Variants in COPS7A observed in about 807,000 individuals in gnomAD.
The protein encoded by COPS7A is COP9 signalosome subunit 7A.
Under a neutral mutation model 35.2 loss-of-function variants are expected in COPS7A, and 20 were observed. The ratio of observed to expected loss-of-function variants is 0.57; its 90% confidence interval spans 0.40 to 0.83. COPS7A has a LOEUF of 0.83. COPS7A is among the 40% of genes least tolerant of loss of function. The pLI is 0.00. For missense variants in COPS7A, 247 were observed against 347.5 expected, an observed-to-expected ratio of 0.71 and a Z score of 2.30; for synonymous variants, 139 against 141.4, an observed-to-expected ratio of 0.98 and a Z score of 0.12.
chr12:6,730,967 T>C (rs778758413), intron 7 of COPS7A, 33 bp from the exon 8 acceptor site: 1 of 1,603,432 alleles, frequency 6.2e-7, no homozygotes, highest in East Asian at 2.2e-5. Context: ...GCATTCTCTC[T>C]CTCTCTCTCT....
Position 6,731,081 on chromosome 12 carries a change from G to A in COPS7A, c.*42G>A. The A allele has an allele frequency of 6.2e-7, 1 of 1,613,648 alleles. No homozygotes were observed. The highest frequency in any genetic ancestry group is 8.5e-7 in the Non-Finnish European group (1 of 1,179,684). ...TCCCTGGGGATGTGGGGTCCCAGCT[G>A]CCTGCCTGCCTCTTAGGAGTCCTCA... On this transcript the variant is annotated 3_prime_UTR_variant, in exon 8 of 8. Coordinates refer to ENST00000543155, the MANE Select transcript of COPS7A (RefSeq NM_001164094.2).
rs567900041 is a variant in COPS7A, at chr12:6,724,512, G to C, written c.-43-102G>C. On this transcript the variant is annotated intron_variant, in intron 1 of 7. Coordinates refer to ENST00000543155, the MANE Select transcript of COPS7A (RefSeq NM_001164094.2). ...ACCGCTCCATGTCTGATTCCTCACCGCAGAACCGACTTAGTGCCTTTACAA... is the reference window on the plus strand; with the variant it reads ...ACCGCTCCATGTCTGATTCCTCACCCCAGAACCGACTTAGTGCCTTTACAA... 38 of 962,534 alleles carry C rather than the reference G, an allele frequency of 3.9e-5. No homozygotes were observed. In the African/African-American group the frequency reaches 6.1e-4, roughly 15 times the overall value. 59.6% of individuals were successfully genotyped at this position (962,534 alleles called of 1,614,324 possible). A position where few individuals can be genotyped will look rare whatever the true frequency, so the allele number is the denominator to read the frequency against.
chr12:6,728,328 C>T lies in COPS7A; in HGVS notation c.327+17C>T, dbSNP rs1486300353. On this transcript the variant is annotated intron_variant, in intron 4 of 7. Transcript: ENST00000543155. ...AAAGTAAAGGTGAGTGGCAGTCCCC[C>T]AGTCCTACGGTCTAGAGCATCCTTT... 6.2e-7 allele frequency: 1 copy of T among 1,604,054 alleles called. No homozygotes were observed. The highest frequency in any genetic ancestry group is 1.7e-4 in the Middle Eastern group (1 of 6,036).
intron 4 of COPS7A, among the ~76,000 whole-genome samples, chr12:6,728,728 C>A (rs1941318226): frequency 6.6e-6 from 1 of 152,172 alleles, no homozygotes; most frequent in African/African-American, 2.4e-5. Flanking sequence ...ACCCACCTCC[C>A]CAGCCTGCCC....
At position 6,727,996 on chromosome 12, in the gene COPS7A, A is replaced by G; in HGVS notation, c.233A>G (p.Tyr78Cys). 6.2e-7 allele frequency: 1 copy of G among 1,614,066 alleles called. No individual in the cohort carries two copies. Among genetic ancestry groups the G allele is most frequent in the Non-Finnish European group, 8.5e-7 (1 of 1,179,962 alleles). The change falls in exon 3 of 8, where the codon TAC (tyrosine) becomes TGC (cysteine). Residue 78 changes from tyrosine (Y) to cysteine (C), a missense_variant. Coordinates refer to ENST00000543155, the MANE Select transcript of COPS7A (RefSeq NM_001164094.2). ...TVFAYGTYAD[Y>C]LAEARNLPPL... is the part of the protein sequence containing the mutation. ...TTTGCTTATGGGACATACGCTGACT[A>G]CTTAGGTAACCAGAGGGGTTGGTGC...
intron 2 of COPS7A, among the ~76,000 whole-genome samples, chr12:6,726,725 C>T (rs915151681): frequency 4.0e-5 from 6 of 149,626 alleles, no homozygotes; most frequent in Non-Finnish European, 8.9e-5. Flanking sequence ...CGCGCCACTG[C>T]ACTCCAGCCT....
Position 6,730,861 on chromosome 12 carries a change from C to T in COPS7A, c.788+41C>T. On this transcript the variant is annotated intron_variant, in intron 7 of 7. Coordinates refer to ENST00000543155, the MANE Select transcript of COPS7A (RefSeq NM_001164094.2). ...AGGAACTGCTCACTTGCAGGGTGCCCTGCTTTTACCCCAGGGACCTCACTG... is the reference window on the plus strand; with the variant it reads ...AGGAACTGCTCACTTGCAGGGTGCCTTGCTTTTACCCCAGGGACCTCACTG... 5 of 1,609,658 alleles carry T rather than the reference C, an allele frequency of 3.1e-6. No individual in the cohort carries two copies. The South Asian group carries it at 5.5e-5, about 18-fold the overall frequency.
chr12:6,725,842 C>T (rs1028312716), intron 2 of COPS7A: 1 of 455,980 alleles, frequency 2.2e-6, no homozygotes, highest in Non-Finnish European at 4.4e-6. Flanking sequence ...AACTGGCTGA[C>T]TTTTCCCTGC....
chr12:6,728,100 C>T, intron 3 of COPS7A, 99 bp downstream of exon 3: 1 of 1,474,360 alleles, frequency 6.8e-7, no homozygotes, highest in Non-Finnish European at 9.5e-7. Flanking sequence ...ACTTAGATCC[C>T]TGGATGCATA....
chr12:6,729,277 C>G lies in COPS7A; in HGVS notation c.358C>G (p.Leu120Val), dbSNP rs375333384. The G allele has an allele frequency of 3.4e-5, 55 of 1,614,028 alleles. No homozygotes were observed. Among genetic ancestry groups the G allele is most frequent in the Non-Finnish European group, 4.5e-5 (53 of 1,180,032 alleles). ...CCCATATGCAGTGTTGCTGGAGGCTCTTGCCCTGCGTAATGTGCGGCAGCT... is the reference window on the plus strand; with the variant it reads ...CCCATATGCAGTGTTGCTGGAGGCTGTTGCCCTGCGTAATGTGCGGCAGCT... ...CIPYAVLLEA[L>V]ALRNVRQLED... The change falls in exon 5 of 8, where the codon CTT becomes GTT. Residue 120 changes from leucine to valine, a missense_variant. By Grantham distance (32) the Leu-to-Val change is conservative. Transcript: ENST00000543155. The surrounding 1 kb of genome is among the most constrained non-coding windows in gnomAD (Gnocchi z 4.2).
At chr12:6,726,602 CA>C (rs374195335) in intron 2 of COPS7A, among the ~76,000 whole-genome samples, 6,071 of 137,774 alleles carry the variant, frequency 0.044, 247 homozygotes, top group African/African-American at 0.1. Flanking sequence ...GACTCTGTCT[CA>C]AAAAAAAAAA....
chr12:6,724,294 C>T (rs1443386515), intron 1 of COPS7A, 115 bp downstream of exon 1: 7 of 399,510 alleles, frequency 1.8e-5, no homozygotes, highest in Admixed American at 6.8e-5. Context: ...TGGGCGCGTG[C>T]GGGGCAGCAA....
At position 6,731,179 on chromosome 12, in the gene COPS7A, T is replaced by C. The variant is rs1407386606; in HGVS notation, c.*140T>C. On this transcript the variant is annotated 3_prime_UTR_variant, in exon 8 of 8. Coordinates refer to ENST00000543155, the MANE Select transcript of COPS7A (RefSeq NM_001164094.2). ...CCTTCACCTCCCCTAACCCCAAACA[T>C]AGATCACACCTTCTCTAGGGAGGAG... is the stretch of plus-strand genomic sequence containing the variant. 5 of 1,560,960 alleles carry C rather than the reference T, an allele frequency of 3.2e-6. No homozygotes were observed. The highest frequency in any genetic ancestry group is 4.7e-5 in the East Asian group (2 of 42,734).
chr12:6,725,997 A>G, intron 2 of COPS7A: 1 of 439,442 alleles, frequency 2.3e-6, no homozygotes. Flanking sequence ...TGAAACCGAT[A>G]TGGCAGAATC....
intron 4 of COPS7A, 50 bp downstream of exon 4, chr12:6,728,361 C>A: frequency 6.6e-7 from 1 of 1,504,026 alleles, no homozygotes; most frequent in Non-Finnish European, 9.2e-7. Context: ...TTTTGTATGT[C>A]CTTGGGAGTC....
At chr12:6,724,394 C>A in intron 1 of COPS7A, 1 of 514,124 alleles carries the variant, frequency 1.9e-6, no homozygotes, top group Non-Finnish European at 3.5e-6. Context: ...ATGGGGTGCA[C>A]GTGATGGGGC....
At chr12:6,727,679 T>C (rs1374003672) in intron 2 of COPS7A, 2 of 636,368 alleles carry the variant, frequency 3.1e-6, no homozygotes, top group South Asian at 1.5e-5. Flanking sequence ...AGGGTAGGAA[T>C]TGGATGACGT....
Position 6,729,411 on chromosome 12 carries a change from C to T in COPS7A, c.492C>T (p.Arg164=), listed in dbSNP as rs1364063330. Residue 164 remains arginine, a synonymous_variant, in exon 5 of 8, where the codon CGC becomes CGT. Transcript: ENST00000543155. The surrounding 1 kb of genome is among the most constrained non-coding windows in gnomAD (Gnocchi z 4.2). ...VDYSIGRDIQ[R]QDLSAIARTL... is the part of the protein sequence containing the mutation. Reference sequence around the variant, plus strand: ...ACAGCATCGGGCGGGACATCCAGCGCCAGGACCTCAGTGCCATTGCCCGAA... The same window carrying T: ...ACAGCATCGGGCGGGACATCCAGCGTCAGGACCTCAGTGCCATTGCCCGAA... 2 of 1,614,078 alleles carry T rather than the reference C, an allele frequency of 1.2e-6. No homozygotes were observed. Among genetic ancestry groups the T allele is most frequent in the South Asian group, 2.2e-5 (2 of 91,080 alleles).
At position 6,728,013 on chromosome 12, in the gene COPS7A, G is replaced by C; in HGVS notation, c.238+12G>C. 3 of 1,613,118 alleles carry C rather than the reference G, an allele frequency of 1.9e-6. No homozygotes were observed. The highest frequency in any genetic ancestry group is 1.7e-6 in the Non-Finnish European group (2 of 1,179,110). ...CGCTGACTACTTAGGTAACCAGAGG[G>C]GTTGGTGCTCTGGAGTAATGGAGAT... On this transcript the variant is annotated intron_variant, in intron 3 of 7. Transcript: ENST00000543155.
Sources: allele counts gnomAD v4.1 joint callset (sites outside exome capture counted in the v4.1 genomes callset), GRCh38; gene constraint gnomAD v4.1.1; non-coding constraint Gnocchi (gnomAD v3.1); transcripts MANE v1.5; gene names NCBI Gene and HGNC (gene_info 2026-07-23, HGNC 2026-07-21).